SPOCK1: variants seen among roughly 807,000 people sequenced by gnomAD.
SPOCK1 encodes testican-1.
Under a neutral mutation model 55.3 loss-of-function variants are expected in SPOCK1, and 23 were observed. The observed-to-expected ratio is 0.42, with a 90% CI of 0.30 to 0.59. The LOEUF is 0.59. Among genes scored for constraint, SPOCK1 ranks in the 20% least tolerant of loss-of-function variants. The probability of loss-of-function intolerance (pLI) is 0.22; values close to 1 mark genes in which losing one functional copy is unlikely to be tolerated. For missense variants in SPOCK1, 499 were observed against 552.5 expected (o/e 0.90, Z 0.97); for synonymous variants, 226 against 221.0 (o/e 1.02, Z -0.20).
chr5:137,133,054 GTCT>G (rs1753913862), intron 4 of SPOCK1, among the ~76,000 whole-genome samples: 1 of 152,164 alleles, frequency 6.6e-6, no homozygotes, highest in Non-Finnish European at 1.5e-5. Context: ...TTTACTGGCA[GTCT>G]TCTTTTGTTA....
chr5:137,211,842 G>T (rs1190316871), intron 3 of SPOCK1, among the ~76,000 whole-genome samples: 2 of 152,116 alleles, frequency 1.3e-5, no homozygotes, highest in Non-Finnish European at 2.9e-5. Context: ...CAAAAGGGTG[G>T]TGCACCCCAA....
intron 3 of SPOCK1, among the ~76,000 whole-genome samples, chr5:137,236,796 A>T (rs920216627): frequency 2.6e-5 from 4 of 152,220 alleles, no homozygotes; most frequent in Non-Finnish European, 4.4e-5. Context: ...GCAGGAAAAC[A>T]TCTACTGAGC....
chr5:137,130,983 A>AG (rs1348219126), intron 4 of SPOCK1, among the ~76,000 whole-genome samples: 2 of 152,218 alleles, frequency 1.3e-5, no homozygotes, highest in African/African-American at 4.8e-5. Context: ...CACTCTATTT[A>AG]AAGCAAAAGT....
At chr5:136,993,983 C>G (rs1750995984) in intron 6 of SPOCK1, among the ~76,000 whole-genome samples, 1 of 152,218 alleles carries the variant, frequency 6.6e-6, no homozygotes, top group African/African-American at 2.4e-5. Flanking sequence ...ATATGCTTAT[C>G]AGGCAAGCCC....
At chr5:137,343,370 C>G (rs891920049) in intron 2 of SPOCK1, among the ~76,000 whole-genome samples, 4 of 152,224 alleles carry the variant, frequency 2.6e-5, no homozygotes, top group African/African-American at 9.7e-5. Context: ...CAGCTCTTCT[C>G]CCCACAAGGT....
At chr5:137,404,060 G>T (rs1405956080) in intron 2 of SPOCK1, among the ~76,000 whole-genome samples, 1 of 152,198 alleles carries the variant, frequency 6.6e-6, no homozygotes, top group Non-Finnish European at 1.5e-5. Context: ...GTTAGCTCAG[G>T]CCAGGATGGT....
At chr5:137,018,892 T>C (rs1303651475) in intron 6 of SPOCK1, among the ~76,000 whole-genome samples, 1 of 152,216 alleles carries the variant, frequency 6.6e-6, no homozygotes, top group Non-Finnish European at 1.5e-5. Context: ...TAAAAAGTTC[T>C]TTCAAATCAA....
intron 6 of SPOCK1, among the ~76,000 whole-genome samples, chr5:137,005,924 C>T (rs1254154283): frequency 1.3e-5 from 2 of 152,086 alleles, no homozygotes; most frequent in African/African-American, 2.4e-5. Context: ...AAAAAGGGAC[C>T]GAGAACGGTC....
chr5:137,061,395 C>T (rs1005105081), intron 6 of SPOCK1, among the ~76,000 whole-genome samples: 1 of 152,190 alleles, frequency 6.6e-6, no homozygotes, highest in African/African-American at 2.4e-5. Context: ...GACAGTTTCC[C>T]CCAGAATCTA....
intron 4 of SPOCK1, 110 bp downstream of exon 4, chr5:137,140,470 T>TAAAA: frequency 1.2e-6 from 1 of 846,742 alleles, no homozygotes. Context: ...ATGGCGACCC[T>TAAAA]AACACTATGC....
chr5:137,418,391 T>C (rs1259169886), intron 2 of SPOCK1, among the ~76,000 whole-genome samples: 322 of 152,238 alleles, frequency 2.1e-3, no homozygotes, highest in African/African-American at 6.8e-3. Flanking sequence ...CTGACTTCCA[T>C]AATGGTTGAA....
At chr5:137,370,328 C>T (rs369958480) in intron 2 of SPOCK1, among the ~76,000 whole-genome samples, 4 of 152,246 alleles carry the variant, frequency 2.6e-5, no homozygotes, top group South Asian at 4.2e-4. Context: ...CGACCGAGTC[C>T]GGTGATTTTC....
intron 3 of SPOCK1, among the ~76,000 whole-genome samples, chr5:137,144,207 C>T (rs552093484): frequency 9.3e-4 from 142 of 152,226 alleles, no homozygotes; most frequent in Non-Finnish European, 1.9e-3. Context: ...AGCCATCCCC[C>T]AACTGAGTCA....
At chr5:137,466,543 A>G (rs981527302) in intron 2 of SPOCK1, among the ~76,000 whole-genome samples, 2 of 152,324 alleles carry the variant, frequency 1.3e-5, no homozygotes, top group South Asian at 4.1e-4. Context: ...GATGGGTAAA[A>G]GCAGACTCCA....
At chr5:137,269,540 T>G (rs1756920309) in intron 2 of SPOCK1, among the ~76,000 whole-genome samples, 1 of 152,192 alleles carries the variant, frequency 6.6e-6, no homozygotes, top group South Asian at 2.1e-4. Flanking sequence ...TGCTGCAGTC[T>G]ATGTCAGGAA....
chr5:137,130,012 T>C (rs1580766280), intron 4 of SPOCK1, among the ~76,000 whole-genome samples: 1 of 152,196 alleles, frequency 6.6e-6, no homozygotes, highest in South Asian at 2.1e-4. Context: ...TCTTTCAAAG[T>C]TTAACTATAA....
chr5:137,282,093 T>C (rs1057369784), intron 2 of SPOCK1, among the ~76,000 whole-genome samples: 1 of 152,198 alleles, frequency 6.6e-6, no homozygotes, highest in African/African-American at 2.4e-5. Flanking sequence ...GGAGGATTAT[T>C]TGAGACTTAC....
Position 137,447,613 on chromosome 5 carries a change from C to A in SPOCK1, c.186+50760G>T, listed in dbSNP as rs879773465. Among the ~76,000 whole-genome samples the A allele has an allele frequency of 1.2e-4, 4 of 34,340 alleles. No homozygotes were observed. In the South Asian group the frequency reaches 7.1e-3, roughly 61 times the overall value. The allele number at this position is 34,340 out of a possible 152,430, so 22.5% of individuals were successfully genotyped here. A position where few individuals can be genotyped will look rare whatever the true frequency, so the allele number is the denominator to read the frequency against. ...TACCAACTTGAAATCATTCCCCCCC[C>A]CAATATATGACCCACACCACCACCA... On this transcript the variant is annotated intron_variant, in intron 2 of 10. Coordinates refer to ENST00000394945, the MANE Select transcript of SPOCK1 (RefSeq NM_004598.4).
intron 2 of SPOCK1, among the ~76,000 whole-genome samples, chr5:137,385,540 ATTGTT>A (rs1751580696): frequency 6.6e-6 from 1 of 152,230 alleles, no homozygotes; most frequent in Non-Finnish European, 1.5e-5. Flanking sequence ...GTGCTTGGGA[ATTGTT>A]TTGTTAAATA....
Sources: allele counts gnomAD v4.1 joint callset (sites outside exome capture counted in the v4.1 genomes callset), GRCh38; gene constraint gnomAD v4.1.1; transcripts MANE v1.5; gene names NCBI Gene and HGNC (gene_info 2026-07-23, HGNC 2026-07-21).